Variants in DMD observed in about 807,000 individuals in gnomAD.
DMD encodes dystrophin.
Under a neutral mutation model 330.1 loss-of-function variants are expected in DMD, and 63 were observed. That is an observed-to-expected ratio of 0.19 (90% CI 0.16 to 0.24). The LOEUF is 0.24. Among genes scored for constraint, DMD ranks in the 10% least tolerant of loss-of-function variants. The pLI is 1.00. For synonymous variants in DMD, 1,223 were observed against 959.8 expected, an observed-to-expected ratio of 1.27 and a Z score of -5.07; for missense variants, 3,344 against 2,684.1, an observed-to-expected ratio of 1.25 and a Z score of -5.43.
chrX:32,988,756 T>C (rs2092909610), intron 2 of DMD, among the ~76,000 whole-genome samples: 1 of 111,930 alleles, frequency 8.9e-6, no homozygotes, highest in Non-Finnish European at 1.9e-5. Flanking sequence ...GAAGCAAATG[T>C]TCATCTTTCA....
intron 63 of DMD, among the ~76,000 whole-genome samples, chrX:31,224,951 A>G (rs1379972225): frequency 8.9e-6 from 1 of 112,390 alleles, no homozygotes; most frequent in Non-Finnish European, 1.9e-5. Context: ...CTTAGCTACT[A>G]TGCCAGATGG....
intron 51 of DMD, among the ~76,000 whole-genome samples, chrX:31,745,527 T>C (rs2087753750): frequency 8.9e-6 from 1 of 112,088 alleles, no homozygotes; most frequent in South Asian, 3.7e-4. Flanking sequence ...AAGCCTCTTG[T>C]ATCTCCTCTT....
chrX:33,058,023 C>T (rs945660430), intron 1 of DMD, among the ~76,000 whole-genome samples: 1 of 109,994 alleles, frequency 9.1e-6, no homozygotes, highest in Non-Finnish European at 1.9e-5. Context: ...GGATTACAGG[C>T]GCCTGCCACC....
chrX:32,136,868 G>A (rs111861684), intron 44 of DMD, among the ~76,000 whole-genome samples: 14 of 108,532 alleles, frequency 1.3e-4, no homozygotes, highest in Non-Finnish European at 2.7e-4. Context: ...GTGGGGTGGG[G>A]GGAAGGGGGA....
chrX:31,787,044 A>AT (rs2091338400), intron 50 of DMD, among the ~76,000 whole-genome samples: 1 of 112,307 alleles, frequency 8.9e-6, no homozygotes, highest in African/African-American at 3.2e-5. Context: ...AAGTAATATG[A>AT]TTTTTTCAGG....
intron 12 of DMD, among the ~76,000 whole-genome samples, chrX:32,605,293 T>C (rs2056595851): frequency 9.1e-6 from 1 of 110,186 alleles, no homozygotes; most frequent in Non-Finnish European, 1.9e-5. Flanking sequence ...AAAATGTATA[T>C]ATACACTGGG....
chrX:31,591,690 C>T lies in DMD; in HGVS notation c.8217+35983G>A, dbSNP rs765043332. ...AAAGAATCAATAGCATTTCCCCAGC[C>T]CCCAATCCTCGGGGGAGATTCTCTC... On this transcript the variant is annotated intron_variant, in intron 55 of 78. Coordinates refer to ENST00000357033, the MANE Select transcript of DMD (RefSeq NM_004006.3). Among the ~76,000 whole-genome samples, 9 of 110,792 alleles carry T rather than the reference C, an allele frequency of 8.1e-5. No individual in the cohort carries two copies. In the South Asian group the frequency reaches 3.0e-3, roughly 37 times the overall value.
intron 43 of DMD, among the ~76,000 whole-genome samples, chrX:32,232,794 T>C (rs1316171217): frequency 2.7e-5 from 3 of 112,072 alleles, no homozygotes; most frequent in Non-Finnish European, 5.6e-5. Flanking sequence ...TTCTATCATT[T>C]TAGGTGTTTC....
At chrX:31,815,096 T>C (rs1355223671) in intron 50 of DMD, among the ~76,000 whole-genome samples, 1 of 112,173 alleles carries the variant, frequency 8.9e-6, no homozygotes, top group East Asian at 2.8e-4. Context: ...TCACTGTATG[T>C]CTGTGGTAGT....
intron 52 of DMD, among the ~76,000 whole-genome samples, chrX:31,728,777 G>A (rs183368287): frequency 8.9e-6 from 1 of 111,933 alleles, no homozygotes; most frequent in African/African-American, 3.2e-5. Context: ...TTCGGGTTGT[G>A]GGAAGGAAAA....
chrX:33,125,151 G>A (rs1359860682), intron 1 of DMD, among the ~76,000 whole-genome samples: 4 of 109,299 alleles, frequency 3.7e-5, no homozygotes, highest in Admixed American at 9.9e-5. Context: ...GGAAAAACTG[G>A]CAAGTGAGCC....
intron 62 of DMD, among the ~76,000 whole-genome samples, chrX:31,262,785 T>C (rs2050654548): frequency 1.8e-5 from 2 of 112,077 alleles, no homozygotes; most frequent in Admixed American, 1.9e-4. Context: ...GGAGAAGGGG[T>C]AGGCAGGACT....
intron 1 of DMD, among the ~76,000 whole-genome samples, chrX:33,192,494 A>G (rs893495191): frequency 8.9e-6 from 1 of 112,307 alleles, no homozygotes; most frequent in Non-Finnish European, 1.9e-5. Flanking sequence ...ATTTCTCAGT[A>G]ATATGCAACA....
intron 41 of DMD, among the ~76,000 whole-genome samples, chrX:32,333,631 G>T (rs771137711): frequency 6.3e-5 from 7 of 110,358 alleles, no homozygotes; most frequent in African/African-American, 2.3e-4. Context: ...TCGGAGTATT[G>T]GAATTTCTAT....
chrX:32,458,095 T>G (rs923630769), intron 25 of DMD, among the ~76,000 whole-genome samples: 1 of 110,625 alleles, frequency 9.0e-6, no homozygotes, highest in Non-Finnish European at 1.9e-5. Flanking sequence ...TCATCACATT[T>G]TAAAGATTGG....
chrX:31,464,268 C>T (rs779469138), intron 59 of DMD, among the ~76,000 whole-genome samples: 3 of 111,957 alleles, frequency 2.7e-5, no homozygotes, highest in Non-Finnish European at 5.6e-5. Context: ...AGTAGCTGTA[C>T]AACTCTGATT....
At chrX:31,195,256 T>C (rs1217392674) in intron 67 of DMD, among the ~76,000 whole-genome samples, 1 of 111,668 alleles carries the variant, frequency 9.0e-6, no homozygotes, top group Non-Finnish European at 1.9e-5. Flanking sequence ...TTCATTTCCA[T>C]GTTCAAGGAC....
chrX:33,149,699 T>C (rs1001363759), intron 1 of DMD, among the ~76,000 whole-genome samples: 17 of 111,715 alleles, frequency 1.5e-4, no homozygotes, highest in African/African-American at 4.9e-4. Context: ...ATAGATCTAG[T>C]TGACCCAAGT....
At chrX:32,555,599 C>T (rs1242083653) in intron 16 of DMD, among the ~76,000 whole-genome samples, 1 of 111,649 alleles carries the variant, frequency 9.0e-6, no homozygotes, top group African/African-American at 3.3e-5. Flanking sequence ...TTACAGTCAC[C>T]AGAAAAGCAG....
Sources: gnomAD v4.1 joint callset for allele counts (sites outside exome capture counted in the v4.1 genomes callset) on GRCh38, gnomAD v4.1.1 for gene constraint, MANE v1.5 for transcripts, NCBI Gene and HGNC (gene_info 2026-07-23, HGNC 2026-07-21) for gene names.